Variants in PC observed in about 807,000 individuals in gnomAD.
PC encodes pyruvate carboxylase, mitochondrial.
A neutral mutation model predicts 107.8 loss-of-function variants in PC; 46 were observed. The observed-to-expected ratio is 0.43, with a 90% CI of 0.34 to 0.55. The LOEUF (loss-of-function observed/expected upper bound fraction) is 0.55, where lower values mean the gene tolerates loss of function less well. Among genes scored for constraint, PC ranks in the 20% least tolerant of loss-of-function variants. PC has a pLI of 0.04. For missense variants in PC, 1,241 were observed against 1,643.1 expected, an observed-to-expected ratio of 0.76 and a Z score of 4.23; for synonymous variants, 662 against 684.7, an observed-to-expected ratio of 0.97 and a Z score of 0.52.
intron 12 of PC, chr11:66,860,138 G>A: frequency 6.5e-7 from 1 of 1,549,988 alleles, no homozygotes; most frequent in South Asian, 1.2e-5. Context: ...GGCTGCTCGG[G>A]GCAGGGTGCC....
At position 66,870,721 on chromosome 11, in the gene PC, G is replaced by A. The variant is rs1216688758; in HGVS notation, c.751+54C>T. On this transcript the variant is annotated intron_variant, in intron 8 of 22. Transcript: ENST00000393960. The surrounding 1 kb of genome is among the most constrained non-coding windows in gnomAD (Gnocchi z 6.1). Reference sequence around the variant, plus strand: ...AGCCACTGTGACGGCACCAGGACTGGGCCTCTCAGCTCCCGCCTCCAGCTG... The same window carrying A: ...AGCCACTGTGACGGCACCAGGACTGAGCCTCTCAGCTCCCGCCTCCAGCTG... 6.0e-6 allele frequency: 9 copies of A among 1,507,666 alleles called. No individual in the cohort carries two copies. Among genetic ancestry groups the A allele is most frequent in the Non-Finnish European group, 8.2e-6 (9 of 1,091,652 alleles). The allele number at this position is 1,507,666 out of a possible 1,614,324, so 93.4% of individuals were successfully genotyped here. A position where few individuals can be genotyped will look rare whatever the true frequency, so the allele number is the denominator to read the frequency against.
At chr11:66,864,844 C>T (rs140741073) in intron 11 of PC, among the ~76,000 whole-genome samples, 80 of 152,196 alleles carry the variant, frequency 5.3e-4, no homozygotes, top group African/African-American at 1.8e-3. Context: ...GTGGGGGACC[C>T]GTCAGGCCCA....
intron 3 of PC, among the ~76,000 whole-genome samples, chr11:66,884,658 C>T (rs1159454936): frequency 2.6e-5 from 4 of 152,180 alleles, no homozygotes; most frequent in Non-Finnish European, 4.4e-5. Flanking sequence ...GTGCCCCCCA[C>T]ACCCATATGT....
intron 3 of PC, among the ~76,000 whole-genome samples, chr11:66,936,656 G>T (rs894610610): frequency 1.3e-5 from 2 of 152,178 alleles, no homozygotes; most frequent in Non-Finnish European, 2.9e-5. Context: ...CTGAGGCAGG[G>T]AGAACTAGGC....
intron 12 of PC, chr11:66,860,536 G>A (rs950713753): frequency 1.0e-5 from 7 of 701,984 alleles, no homozygotes; most frequent in Admixed American, 4.0e-5. Context: ...GACACGGGCC[G>A]CTGGTGGCAC....
At chr11:66,944,853 T>C (rs1949247948) in intron 3 of PC, among the ~76,000 whole-genome samples, 1 of 116,672 alleles carries the variant, frequency 8.6e-6, no homozygotes, top group African/African-American at 3.1e-5. Context: ...GAGGTCAAAC[T>C]GCATTAATAA....
At position 66,857,468 on chromosome 11, in the gene PC, T is replaced by C; in HGVS notation, c.1369-4085A>G. The C allele has an allele frequency of 2.4e-6, 1 of 418,696 alleles. No individual in the cohort carries two copies. The highest frequency in any genetic ancestry group is 4.2e-6 in the Non-Finnish European group (1 of 237,134). The allele number at this position is 418,696 out of a possible 1,614,324, so 25.9% of individuals were successfully genotyped here. A position where few individuals can be genotyped will look rare whatever the true frequency, so the allele number is the denominator to read the frequency against. Reference sequence around the variant, plus strand: ...GGAAGTTCCGGGACCCTCCCTGCTCTCGGTCCTCCTCCGCTTCCTGCCTCA... The same window carrying C: ...GGAAGTTCCGGGACCCTCCCTGCTCCCGGTCCTCCTCCGCTTCCTGCCTCA... On this transcript the variant is annotated intron_variant, in intron 12 of 22. Coordinates refer to ENST00000393960, the MANE Select transcript of PC (RefSeq NM_001040716.2). The surrounding 1 kb of genome is among the most constrained non-coding windows in gnomAD (Gnocchi z 7.1).
chr11:66,936,227 A>G (rs1319179660), intron 3 of PC, among the ~76,000 whole-genome samples: 1 of 151,824 alleles, frequency 6.6e-6, no homozygotes, highest in African/African-American at 2.4e-5. Context: ...CAGCCTCGTG[A>G]CAGAGCAAGA....
chr11:66,862,168 G>A (rs1814670156), intron 12 of PC, among the ~76,000 whole-genome samples: 2 of 152,168 alleles, frequency 1.3e-5, no homozygotes, highest in South Asian at 4.1e-4. Flanking sequence ...GGTGCAGGGG[G>A]AGCGCGTGAT....
chr11:66,926,954 T>C (rs116787807), intron 3 of PC, among the ~76,000 whole-genome samples: 5,762 of 151,690 alleles, frequency 0.038, 370 homozygotes, highest in African/African-American at 0.13. Context: ...TAGCCATTCA[T>C]TGGTTGATGA....
At chr11:66,904,048 C>T (rs1388171624) in intron 3 of PC, among the ~76,000 whole-genome samples, 2 of 151,828 alleles carry the variant, frequency 1.3e-5, no homozygotes, top group South Asian at 2.1e-4. Context: ...GTTTAGAAGG[C>T]GCTTTAGCAG....
chr11:66,869,053 T>C (rs1457308591), intron 9 of PC, 89 bp from the exon 10 acceptor site: 5 of 1,012,332 alleles, frequency 4.9e-6, no homozygotes, highest in African/African-American at 1.6e-5. Flanking sequence ...GTCCCACCCA[T>C]TGGGTTGGTT....
chr11:66,945,424 G>C lies in PC; in HGVS notation c.-1+7006C>G, dbSNP rs1193047308. Among the ~76,000 whole-genome samples, 5 of 96,660 alleles carry C rather than the reference G, an allele frequency of 5.2e-5. 1 individual carries two copies. The highest frequency in any genetic ancestry group is 6.3e-4 in the South Asian group (2 of 3,200). The allele number at this position is 96,660 out of a possible 152,430, so 63.4% of individuals were successfully genotyped here. Reference sequence around the variant, plus strand: ...TAACTGAATTCAAATGGTTTGGGGGGGCGGGTCGGAACTGCAGAGTTACAT... The same window carrying C: ...TAACTGAATTCAAATGGTTTGGGGGCGCGGGTCGGAACTGCAGAGTTACAT... On this transcript the variant is annotated intron_variant, in intron 3 of 22. Coordinates refer to ENST00000393960, the MANE Select transcript of PC (RefSeq NM_001040716.2).
intron 3 of PC, among the ~76,000 whole-genome samples, chr11:66,942,024 C>T (rs1327115528): frequency 6.6e-6 from 1 of 151,350 alleles, no homozygotes; most frequent in Non-Finnish European, 1.5e-5. Flanking sequence ...GTCGCTTGAA[C>T]TCGGGAGGCA....
At chr11:66,950,993 C>T (rs183115972) in intron 3 of PC, among the ~76,000 whole-genome samples, 56 of 152,170 alleles carry the variant, frequency 3.7e-4, no homozygotes, top group Middle Eastern at 3.4e-3. Flanking sequence ...ACGTTACGGC[C>T]ATTCCCACCA....
Position 66,866,888 on chromosome 11 carries a change from G to A in PC, c.1023-539C>T, listed in dbSNP as rs551049138. Among the ~76,000 whole-genome samples, 1 of 152,290 alleles carries A rather than the reference G, an allele frequency of 6.6e-6. No homozygotes were observed. The highest frequency in any genetic ancestry group is 6.5e-5 in the Admixed American group (1 of 15,294). On this transcript the variant is annotated intron_variant, in intron 10 of 22. Transcript: ENST00000393960. This position sits in a 1 kb window ranked among gnomAD's most constrained non-coding sequence, Gnocchi z 5.4. ...TCCTCGAAATGGTAACCACAGCTGT[G>A]AGAGGGTTGCACAGTGGGTGCTGGG...
rs766733979 is a variant in PC, at chr11:66,868,833, C to A, written c.1022+13G>T. On this transcript the variant is annotated intron_variant, in intron 10 of 22. Transcript: ENST00000393960. ...AGCCGCGCCTCCCGCCCCGCCTGCC[C>A]GCCCACACTCACTCGGTGATCTCCT... The A allele has an allele frequency of 6.2e-7, 1 of 1,600,324 alleles. No individual in the cohort carries two copies. Among genetic ancestry groups the A allele is most frequent in the Non-Finnish European group, 8.6e-7 (1 of 1,167,978 alleles).
chr11:66,909,818 G>A (rs925878243), intron 3 of PC, among the ~76,000 whole-genome samples: 5 of 152,176 alleles, frequency 3.3e-5, no homozygotes, highest in African/African-American at 1.2e-4. Context: ...CAGAGGACCG[G>A]CGGGAAGGGA....
intron 3 of PC, among the ~76,000 whole-genome samples, chr11:66,914,309 C>A (rs535511402): frequency 1.3e-5 from 2 of 152,048 alleles, no homozygotes; most frequent in Admixed American, 6.6e-5. Context: ...GTCAGGAGTT[C>A]GAGACCAGCC....
Sources: gnomAD v4.1 joint callset for allele counts (sites outside exome capture counted in the v4.1 genomes callset) on GRCh38, gnomAD v4.1.1 for gene constraint, Gnocchi (gnomAD v3.1) non-coding constraint, MANE v1.5 for transcripts, NCBI Gene and HGNC (gene_info 2026-07-23, HGNC 2026-07-21) for gene names.